The following CYTIP variants were observed in gnomAD, a reference collection of about 807,000 sequenced individuals.
CYTIP encodes cytohesin 1 interacting protein, also known as cytohesin-interacting protein.
A neutral mutation model predicts 43.8 loss-of-function variants in CYTIP; 26 were observed. The ratio of observed to expected loss-of-function variants is 0.59; its 90% CI spans 0.44 to 0.82. The LOEUF is 0.82. Among genes scored for constraint, CYTIP ranks in the 40% least tolerant of loss-of-function variants. The pLI, the probability that CYTIP is intolerant of heterozygous loss-of-function variation, is 0.00. For missense variants in CYTIP, 426 were observed against 443.1 expected (o/e 0.96, Z 0.35); for synonymous variants, 162 against 162.9 (o/e 0.99, Z 0.04).
chr2:157,430,509 T>A, intron 5 of CYTIP, 50 bp downstream of exon 5: 2 of 1,506,964 alleles, frequency 1.3e-6, no homozygotes, highest in Non-Finnish European at 1.8e-6. Context: ...TCAGGCTTTA[T>A]GAGAAAACAT....
At chr2:157,434,445 A>G (rs753962255) in intron 2 of CYTIP, 21 bp from the exon 3 acceptor site, 2 of 1,565,238 alleles carry the variant, frequency 1.3e-6, no homozygotes, top group African/African-American at 1.4e-5. Flanking sequence ...AATGTTTAAA[A>G]AAGAAACTGC....
chr2:157,422,585 C>T (rs1573855192), intron 6 of CYTIP, among the ~76,000 whole-genome samples: 1 of 150,930 alleles, frequency 6.6e-6, no homozygotes. Flanking sequence ...CAGGAGAATC[C>T]CTTGAACCCG....
In CYTIP at chr2:157,434,326, C is replaced by T. The variant is rs200463085; in HGVS notation, c.279+44G>A. 420 of 1,468,600 alleles carry T rather than the reference C, an allele frequency of 2.9e-4. 1 individual carries two copies. The highest frequency in any genetic ancestry group is 9.4e-5 in the Non-Finnish European group (99 of 1,048,040). The allele number at this position is 1,468,600 out of a possible 1,614,324, so 91.0% of individuals were successfully genotyped here. On this transcript the variant is annotated intron_variant, in intron 3 of 7. Coordinates refer to ENST00000264192, the MANE Select transcript of CYTIP (RefSeq NM_004288.5). ...TGCACATAACATGACACTACCGGTG[C>T]CACTTTCTTCCTTGGAAGTCTAGAA...
chr2:157,415,978 C>T lies in CYTIP; in HGVS notation c.779G>A (p.Gly260Asp). Residue 260 changes from glycine to aspartate, a missense_variant, in exon 8 of 8, where the codon GGC (glycine) becomes GAC (aspartate). Gly to Asp is a moderately conservative substitution (Grantham distance 94). Transcript: ENST00000264192. ...GTCCTCAGACACACACGTCTGGTAG[C>T]CATCTTCACTGTCCATCGTCATGGA... Reference protein sequence around the residue: ...LSSMTMDSEDGYQTCVSEDSS... With the variant: ...LSSMTMDSEDDYQTCVSEDSS... The T allele has an allele frequency of 6.2e-7, 1 of 1,614,230 alleles. No homozygotes were observed. The highest frequency in any genetic ancestry group is 8.5e-7 in the Non-Finnish European group (1 of 1,180,026).
At chr2:157,417,361 A>G (rs1432001335) in intron 7 of CYTIP, among the ~76,000 whole-genome samples, 1 of 152,200 alleles carries the variant, frequency 6.6e-6, no homozygotes, top group African/African-American at 2.4e-5. Flanking sequence ...AACTCCTTCA[A>G]TTGCTCAAAA....
At chr2:157,436,810 A>C (rs1685814831) in intron 1 of CYTIP, among the ~76,000 whole-genome samples, 1 of 152,216 alleles carries the variant, frequency 6.6e-6, no homozygotes, top group South Asian at 2.1e-4. Context: ...GAAGCAACTG[A>C]GATGGTTGAA....
intron 4 of CYTIP, 45 bp from the exon 5 acceptor site, chr2:157,430,697 T>A (rs560816933): frequency 1.3e-6 from 2 of 1,563,226 alleles, no homozygotes; most frequent in East Asian, 2.2e-5. Flanking sequence ...GTTAGTTAAA[T>A]AATCCCTCCT....
chr2:157,430,955 C>A lies in CYTIP; in HGVS notation c.287G>T (p.Arg96Met), dbSNP rs1406524571. ...ETFGFEIQSYRPQNQNACSSE... is the reference protein window; with the variant it reads ...ETFGFEIQSYMPQNQNACSSE... ...GGAGCAGGCATTCTGATTCTGGGGC[C>A]TGTAAGACTGTAAAAATTAAGATGA... The change falls in exon 4 of 8, where the codon AGG becomes ATG. Residue 96 changes from arginine (R) to methionine (M), a missense_variant. Physicochemically the swap from Arg to Met is moderately conservative, Grantham distance 91. Coordinates refer to ENST00000264192, the MANE Select transcript of CYTIP (RefSeq NM_004288.5). The A allele has an allele frequency of 6.2e-7, 1 of 1,604,432 alleles. No individual in the cohort carries two copies. The highest frequency in any genetic ancestry group is 1.3e-5 in the African/African-American group (1 of 74,206).
chr2:157,416,315 C>T (rs1362374663), intron 7 of CYTIP, among the ~76,000 whole-genome samples, 172 bp from the exon 8 acceptor site: 1 of 152,132 alleles, frequency 6.6e-6, no homozygotes, highest in Non-Finnish European at 1.5e-5. Context: ...ATTTGATAAA[C>T]CTTATAGTAG....
chr2:157,437,853 G>A (rs1685837318), intron 1 of CYTIP, among the ~76,000 whole-genome samples: 1 of 152,110 alleles, frequency 6.6e-6, no homozygotes, highest in Non-Finnish European at 1.5e-5. Flanking sequence ...GGATAGCTAT[G>A]ATCAAAATGA....
At chr2:157,434,005 A>G (rs1013514391) in intron 3 of CYTIP, among the ~76,000 whole-genome samples, 4 of 152,182 alleles carry the variant, frequency 2.6e-5, no homozygotes, top group African/African-American at 9.6e-5. Context: ...ACACAGTATA[A>G]CAATATGATT....
intron 6 of CYTIP, among the ~76,000 whole-genome samples, chr2:157,418,804 A>T (rs1055027718): frequency 1.3e-5 from 2 of 152,092 alleles, no homozygotes; most frequent in African/African-American, 4.8e-5. Context: ...AGTACCAACA[A>T]GCTTTCTTTT....
rs531784493 is a variant in CYTIP, at chr2:157,428,787, G to A, written c.477-1367C>T. Among the ~76,000 whole-genome samples the A allele has an allele frequency of 7.2e-5, 11 of 152,320 alleles. No individual in the cohort carries two copies. The South Asian group carries it at 2.3e-3, about 32-fold the overall frequency. On this transcript the variant is annotated intron_variant, in intron 5 of 7. Transcript: ENST00000264192. Reference sequence around the variant, plus strand: ...TTACCCTGAACTCACAGGACCTATAGAGTTGGACCCAATTTGTTACCACCA... The same window carrying A: ...TTACCCTGAACTCACAGGACCTATAAAGTTGGACCCAATTTGTTACCACCA...
intron 1 of CYTIP, among the ~76,000 whole-genome samples, chr2:157,441,925 G>A (rs910199444): frequency 6.6e-6 from 1 of 152,078 alleles, no homozygotes; most frequent in Non-Finnish European, 1.5e-5. Flanking sequence ...TCTCAAACAC[G>A]TTCAGTGGCC....
Position 157,418,601 on chromosome 2 carries a change from A to T in CYTIP, c.547-12T>A, listed in dbSNP as rs1204749710. 8.2e-6 allele frequency: 9 copies of T among 1,099,752 alleles called. No individual in the cohort carries two copies. The highest frequency in any genetic ancestry group is 7.8e-5 in the South Asian group (4 of 51,394). 68.1% of individuals were successfully genotyped at this position (1,099,752 alleles called of 1,614,324 possible). A position where few individuals can be genotyped will look rare whatever the true frequency, so the allele number is the denominator to read the frequency against. ...TGTTTCAAAGTTTGCTGTGAGATTAAAAAAAAAAAAAAAAAGTTTTTATTA... is the reference window on the plus strand; with the variant it reads ...TGTTTCAAAGTTTGCTGTGAGATTATAAAAAAAAAAAAAAAGTTTTTATTA... On this transcript the variant is annotated splice_polypyrimidine_tract_variant and intron_variant, in intron 6 of 7. Transcript: ENST00000264192.
At chr2:157,434,594 G>A (rs575481496) in intron 2 of CYTIP, 104 bp downstream of exon 2, 72 of 654,664 alleles carry the variant, frequency 1.1e-4, no homozygotes, top group South Asian at 3.0e-4. Context: ...GTGTGTGTGC[G>A]TAGAGAGAGA....
At chr2:157,421,119 T>G (rs1436192515) in intron 6 of CYTIP, among the ~76,000 whole-genome samples, 1 of 152,238 alleles carries the variant, frequency 6.6e-6, no homozygotes, top group Non-Finnish European at 1.5e-5. Context: ...CAAGCTTCCC[T>G]ATTTTCCTTT....
chr2:157,443,882 C>T lies in CYTIP; in HGVS notation c.139G>A (p.Asp47Asn). The change falls in exon 1 of 8, where the codon GAC (aspartate) becomes AAC (asparagine). Residue 47 changes from aspartate to asparagine, a missense_variant. Asp to Asn is a conservative substitution (Grantham distance 23). Coordinates refer to ENST00000264192, the MANE Select transcript of CYTIP (RefSeq NM_004288.5). ...CCCCGAGGCAGAGTAGCCACCGTGT[C>T]TGCTAGCATTTGAATCCTTCTATTA... ...DDNRRIQMLA[D>N]TVATLPRGRK... 6.2e-7 allele frequency: 1 copy of T among 1,614,132 alleles called. No individual in the cohort carries two copies. The highest frequency in any genetic ancestry group is 8.5e-7 in the Non-Finnish European group (1 of 1,179,982).
chr2:157,424,896 G>T (rs1013583896), intron 6 of CYTIP, among the ~76,000 whole-genome samples: 9 of 152,128 alleles, frequency 5.9e-5, no homozygotes, highest in African/African-American at 2.2e-4. Flanking sequence ...TGCATATGTG[G>T]AACTTGCTTA....
Sources: gnomAD v4.1 joint callset for allele counts (sites outside exome capture counted in the v4.1 genomes callset) on GRCh38, gnomAD v4.1.1 for gene constraint, MANE v1.5 for transcripts, NCBI Gene and HGNC (gene_info 2026-07-23, HGNC 2026-07-21) for gene names.